Variants in PPP2R2C observed in about 807,000 individuals in gnomAD.
PPP2R2C encodes the protein protein phosphatase 2 regulatory subunit Bgamma, also known as protein phosphatase 2, regulatory subunit B, gamma.
A neutral mutation model predicts 45.3 loss-of-function variants in PPP2R2C; 10 were observed. That is an observed-to-expected ratio of 0.22 (90% confidence interval 0.14 to 0.37). The LOEUF (loss-of-function observed/expected upper bound fraction) is 0.37. Among genes scored for constraint, PPP2R2C ranks in the 10% least tolerant of loss-of-function variants. The pLI is 1.00. For synonymous variants in PPP2R2C, 257 were observed against 245.4 expected (o/e 1.05, Z -0.44); for missense variants, 308 against 619.7 (o/e 0.50, Z 5.34).
At chr4:6,535,997 T>A (rs944209520) in intron 1 of PPP2R2C, among the ~76,000 whole-genome samples, 3 of 152,310 alleles carry the variant, frequency 2.0e-5, no homozygotes, top group Middle Eastern at 6.8e-3. Context: ...TGGCTGCCTT[T>A]ATCACAGTGT....
At chr4:6,494,933 C>T (rs989035513) in intron 2 of PPP2R2C, among the ~76,000 whole-genome samples, 1 of 152,202 alleles carries the variant, frequency 6.6e-6, no homozygotes, top group Non-Finnish European at 1.5e-5. Context: ...ATGGTGGTGG[C>T]CTGGCCCAGG....
At chr4:6,348,244 C>A (rs1455313434) in intron 5 of PPP2R2C, among the ~76,000 whole-genome samples, 1 of 151,902 alleles carries the variant, frequency 6.6e-6, no homozygotes, top group Admixed American at 6.6e-5. Flanking sequence ...GCTGGACCCA[C>A]CACTTCCCTC....
intron 1 of PPP2R2C, among the ~76,000 whole-genome samples, chr4:6,435,845 T>C (rs549584650): frequency 1.3e-5 from 2 of 152,168 alleles, no homozygotes; most frequent in Non-Finnish European, 2.9e-5. Context: ...ACCCCAGACT[T>C]CCCTGATTTC....
intron 8 of PPP2R2C, among the ~76,000 whole-genome samples, chr4:6,325,296 C>T (rs1020422636): frequency 2.0e-5 from 3 of 152,188 alleles, no homozygotes; most frequent in African/African-American, 7.2e-5. Flanking sequence ...TTGTTATTTA[C>T]CAGGTACTCC....
chr4:6,365,514 G>C (rs1330993438), intron 5 of PPP2R2C, among the ~76,000 whole-genome samples: 1 of 152,222 alleles, frequency 6.6e-6, no homozygotes, highest in East Asian at 1.9e-4. Flanking sequence ...ATGGGATAAA[G>C]GGGGTGCAGA....
chr4:6,357,395 G>A (rs1397063849), intron 5 of PPP2R2C, among the ~76,000 whole-genome samples: 3 of 152,226 alleles, frequency 2.0e-5, no homozygotes, highest in African/African-American at 4.8e-5. Flanking sequence ...CAAAGAGTCA[G>A]AGAGTCAATA....
At chr4:6,562,767 G>A (rs1373583657) in intron 1 of PPP2R2C, among the ~76,000 whole-genome samples, 1 of 152,126 alleles carries the variant, frequency 6.6e-6, no homozygotes, top group Non-Finnish European at 1.5e-5. Flanking sequence ...AAGGCCACCC[G>A]GCCGGTCAGG....
chr4:6,388,349 GC>G (rs1477006166), intron 1 of PPP2R2C, among the ~76,000 whole-genome samples: 2 of 152,204 alleles, frequency 1.3e-5, no homozygotes, highest in Non-Finnish European at 2.9e-5. Context: ...CCAGAGATGG[GC>G]AAAGATGGTA....
chr4:6,519,082 TCTC>T (rs1203046020), intron 2 of PPP2R2C, among the ~76,000 whole-genome samples: 1 of 152,008 alleles, frequency 6.6e-6, no homozygotes, highest in African/African-American at 2.4e-5. Flanking sequence ...TTATAGCAAT[TCTC>T]CACCATCTCT....
chr4:6,507,545 T>A (rs771549721), intron 2 of PPP2R2C, among the ~76,000 whole-genome samples: 2 of 152,350 alleles, frequency 1.3e-5, no homozygotes, highest in Middle Eastern at 3.4e-3. Flanking sequence ...AGCCTCCAGC[T>A]GTTCTAACCA....
At chr4:6,557,804 A>T (rs1426991842) in intron 1 of PPP2R2C, among the ~76,000 whole-genome samples, 1 of 152,114 alleles carries the variant, frequency 6.6e-6, no homozygotes, top group Admixed American at 6.5e-5. Flanking sequence ...TCTGAGGGTG[A>T]GCTACTGCAG....
chr4:6,335,482 A>G (rs1301102225), intron 6 of PPP2R2C, among the ~76,000 whole-genome samples: 1 of 152,154 alleles, frequency 6.6e-6, no homozygotes, highest in African/African-American at 2.4e-5. Context: ...CAGGGGGAAC[A>G]GGGACGCAAG....
intron 6 of PPP2R2C, among the ~76,000 whole-genome samples, chr4:6,337,154 ATATATATTTG>A (rs1733039886): frequency 1.1e-5 from 1 of 87,570 alleles, no homozygotes; most frequent in Admixed American, 1.2e-4. Flanking sequence ...ATATATATAT[ATATATATTTG>A]TAGTTTTTCT....
chr4:6,421,308 G>A (rs1718944377), intron 1 of PPP2R2C, among the ~76,000 whole-genome samples: 1 of 152,130 alleles, frequency 6.6e-6, no homozygotes, highest in African/African-American at 2.4e-5. Context: ...GGCCTGGCCT[G>A]CCAAAGACAA....
intron 1 of PPP2R2C, chr4:6,381,838 C>T: frequency 6.2e-7 from 1 of 1,613,866 alleles, no homozygotes; most frequent in Admixed American, 1.7e-5. Flanking sequence ...AGAAAAAAGA[C>T]AGCCCCATCT....
chr4:6,351,273 A>C (rs937524119), intron 5 of PPP2R2C: 4 of 666,528 alleles, frequency 6.0e-6, no homozygotes, highest in Non-Finnish European at 3.7e-6. Context: ...AGATCGCGCC[A>C]CTGCACTCCA....
At chr4:6,423,833 A>C (rs1719121934) in intron 1 of PPP2R2C, among the ~76,000 whole-genome samples, 1 of 152,192 alleles carries the variant, frequency 6.6e-6, no homozygotes, top group Non-Finnish European at 1.5e-5. Context: ...AGGCCAGATC[A>C]TGTAGTAGGG....
At chr4:6,457,110 G>A (rs1721079705) in intron 1 of PPP2R2C, among the ~76,000 whole-genome samples, 1 of 150,462 alleles carries the variant, frequency 6.6e-6, no homozygotes, top group African/African-American at 2.4e-5. Flanking sequence ...TCAGGAGGCT[G>A]AGGCAGGAGA....
At chr4:6,399,061 G>A (rs7669196) in intron 1 of PPP2R2C, among the ~76,000 whole-genome samples, 40,055 of 152,076 alleles carry the variant, frequency 0.26, 6,266 homozygotes, top group East Asian at 0.71. Flanking sequence ...AGTGACCAAA[G>A]GCAAATCACT....
Sources: allele counts gnomAD v4.1 joint callset (sites outside exome capture counted in the v4.1 genomes callset), GRCh38; gene constraint gnomAD v4.1.1; transcripts MANE v1.5; gene names NCBI Gene and HGNC (gene_info 2026-07-23, HGNC 2026-07-21).